RAB5IF: variants seen among roughly 807,000 people sequenced by gnomAD.
RAB5IF encodes GEL complex subunit OPTI.
In RAB5IF, 15 loss-of-function variants were observed where a neutral mutation model predicts 20.3. The observed-to-expected ratio is 0.74, with a 90% CI of 0.50 to 1.14. The LOEUF (loss-of-function observed/expected upper bound fraction) is 1.14, where lower values mean the gene tolerates loss of function less well. Among genes scored for constraint, RAB5IF ranks in the 50% most tolerant of loss-of-function variants. The probability of loss-of-function intolerance (pLI) is 0.00; values close to 1 mark genes in which losing one functional copy is unlikely to be tolerated. For synonymous variants in RAB5IF, 67 were observed against 63.7 expected (o/e 1.05, Z -0.25); for missense variants, 148 against 159.5 (o/e 0.93, Z 0.39).
At chr20:36,609,211 G>GAGTTTCGCTGTTGCCCAGGCACACA (rs2039032195) in intron 2 of RAB5IF, among the ~76,000 whole-genome samples, 1 of 36,586 alleles carries the variant, frequency 2.7e-5, no homozygotes. Context: ...ACGCACACAC[G>GAGTTTCGCTGTTGCCCAGGCACACA]CACACACGCA....
In RAB5IF at chr20:36,610,955, G is replaced by A. The variant is rs977775970; in HGVS notation, c.349-1055G>A. 2.6e-5 allele frequency among the ~76,000 whole-genome samples: 4 copies of A among 152,122 alleles called. No individual in the cohort carries two copies. In the East Asian group the frequency reaches 7.7e-4, roughly 29 times the overall value. On this transcript the variant is annotated intron_variant, in intron 3 of 3. Transcript: ENST00000344795. ...GTAATGTTTTGGAATCAGTGGTGATGTTTGCACAACTGTTCCTATACAGAA... is the reference window on the plus strand; with the variant it reads ...GTAATGTTTTGGAATCAGTGGTGATATTTGCACAACTGTTCCTATACAGAA...
rs190742083 is a variant in RAB5IF at position 36,612,122 on chromosome 20, C to A, written c.*71C>A. The A allele has an allele frequency of 6.2e-7, 1 of 1,614,206 alleles. No homozygotes were observed. The highest frequency in any genetic ancestry group is 1.3e-5 in the African/African-American group (1 of 75,046). On this transcript the variant is annotated 3_prime_UTR_variant, in exon 4 of 4. Transcript: ENST00000344795. Reference sequence around the variant, plus strand: ...CTTGATTACAGCACAGGAACTTGATCGTTGGGGAACCCCAGCCCCTTGGAA... The same window carrying A: ...CTTGATTACAGCACAGGAACTTGATAGTTGGGGAACCCCAGCCCCTTGGAA...
chr20:36,609,149 A>G (rs2039008838), intron 2 of RAB5IF, among the ~76,000 whole-genome samples: 1 of 139,402 alleles, frequency 7.2e-6, no homozygotes, highest in African/African-American at 2.7e-5. Flanking sequence ...GCTTTGGAGA[A>G]CTATATTACA....
intron 3 of RAB5IF, 105 bp from the exon 4 acceptor site, chr20:36,611,905 C>G: frequency 6.9e-7 from 1 of 1,458,368 alleles, no homozygotes; most frequent in Non-Finnish European, 9.5e-7. Flanking sequence ...ACGGATAGCC[C>G]CTGGAGAGTG....
At chr20:36,609,203 G>A (rs1291176) in intron 2 of RAB5IF, among the ~76,000 whole-genome samples, 26,047 of 34,244 alleles carry the variant, frequency 0.76, 11,571 homozygotes, top group East Asian at 0.93. Context: ...ACGCACACAC[G>A]CACACACGCA....
intron 3 of RAB5IF, among the ~76,000 whole-genome samples, chr20:36,610,178 G>A (rs1343737661): frequency 1.3e-5 from 2 of 152,060 alleles, no homozygotes; most frequent in African/African-American, 4.8e-5. Context: ...CAGCTACTCC[G>A]GAGGCCGAGG....
chr20:36,611,863 A>G, intron 3 of RAB5IF, 147 bp from the exon 4 acceptor site: 2 of 1,049,112 alleles, frequency 1.9e-6, no homozygotes, highest in Non-Finnish European at 2.8e-6. Flanking sequence ...GATTTCAGTG[A>G]AATAATTTAG....
chr20:36,607,240 T>C (rs2038955465), intron 1 of RAB5IF, among the ~76,000 whole-genome samples: 1 of 151,818 alleles, frequency 6.6e-6, no homozygotes, highest in Non-Finnish European at 1.5e-5. Context: ...AGTGATCGCT[T>C]AATGATGTCT....
At chr20:36,609,263 TAG>T (rs1450093551) in intron 2 of RAB5IF, among the ~76,000 whole-genome samples, 1 of 125,826 alleles carries the variant, frequency 7.9e-6, no homozygotes, top group African/African-American at 3.0e-5. Context: ...ACACTATATA[TAG>T]AGTTTCGCTG....
chr20:36,610,652 G>A (rs1383763553), intron 3 of RAB5IF, among the ~76,000 whole-genome samples: 1 of 150,024 alleles, frequency 6.7e-6, no homozygotes, highest in Non-Finnish European at 1.5e-5. Context: ...CCGAGATCGC[G>A]CCACTGCACT....
chr20:36,608,406 G>A (rs1030527284), intron 2 of RAB5IF, among the ~76,000 whole-genome samples: 2 of 151,830 alleles, frequency 1.3e-5, no homozygotes, highest in Non-Finnish European at 2.9e-5. Context: ...CACCACACCT[G>A]GCTAATTTTT....
In RAB5IF at chr20:36,612,226, CTT is replaced by C. The variant is rs764118873; in HGVS notation, c.*179_*180del. On this transcript the variant is annotated 3_prime_UTR_variant, in exon 4 of 4. Transcript: ENST00000344795. ...TTTCTGCAAGGGTTGTGACCTGAAA[CTT>C]TTTAAAAACCACCCACCTTTGGGGA... is the stretch of plus-strand genomic sequence containing the variant. 3 of 1,613,754 alleles carry C rather than the reference CTT, an allele frequency of 1.9e-6. No homozygotes were observed. Among genetic ancestry groups the C allele is most frequent in the Admixed American group, 1.7e-5 (1 of 60,002 alleles).
At chr20:36,608,202 T>A in intron 2 of RAB5IF, 1 of 328,704 alleles carries the variant, frequency 3.0e-6, no homozygotes, top group Middle Eastern at 1.1e-3. Flanking sequence ...GGCACAGTGC[T>A]TAATGTCCTA....
rs753030412 is a variant in RAB5IF, at chr20:36,612,094, C to A, written c.*43C>A. On this transcript the variant is annotated 3_prime_UTR_variant, in exon 4 of 4. Coordinates refer to ENST00000344795, the MANE Select transcript of RAB5IF (RefSeq NM_018840.5). ...GTGCTCCCTATCCAGTCCAAAGGAC[C>A]CTCTTGATTACAGCACAGGAACTTG... 1 of 1,614,152 alleles carries A rather than the reference C, an allele frequency of 6.2e-7. No individual in the cohort carries two copies. The highest frequency in any genetic ancestry group is 1.1e-5 in the South Asian group (1 of 91,086).
chr20:36,606,963 A>C (rs1326370831), intron 1 of RAB5IF, among the ~76,000 whole-genome samples: 1 of 152,216 alleles, frequency 6.6e-6, no homozygotes, highest in Non-Finnish European at 1.5e-5. Flanking sequence ...AGCCCTGCCC[A>C]GCTCTTGCAA....
intron 2 of RAB5IF, among the ~76,000 whole-genome samples, chr20:36,609,197 A>ACACACACACACACACACACACACAC (rs2039028020): frequency 1.8e-5 from 1 of 54,582 alleles, no homozygotes; most frequent in African/African-American, 9.3e-5. Context: ...ACACACACGC[A>ACACACACACACACACACACACACAC]CACACGCACA....
intron 2 of RAB5IF, among the ~76,000 whole-genome samples, chr20:36,609,189 A>G (rs2039022939): frequency 1.9e-5 from 1 of 51,962 alleles, no homozygotes; most frequent in South Asian, 7.2e-4. Flanking sequence ...ACACACACAC[A>G]CACACGCACA....
At chr20:36,607,694 C>G (rs1377708255) in intron 1 of RAB5IF, 21 bp from the exon 2 acceptor site, 5 of 1,612,908 alleles carry the variant, frequency 3.1e-6, no homozygotes, top group African/African-American at 1.3e-5. Context: ...ATAATTCTTG[C>G]ATTTTCTGTC....
At position 36,609,156 on chromosome 20, in the gene RAB5IF, T is replaced by TACACACACACACACAC; in HGVS notation, c.219-422_219-407dup. 2.8e-3 allele frequency among the ~76,000 whole-genome samples: 48 copies of TACACACACACACACAC among 17,058 alleles called. 5 individuals are homozygous for TACACACACACACACAC. Among genetic ancestry groups the TACACACACACACACAC allele is most frequent in the Admixed American group, 5.6e-3 (9 of 1,616 alleles). The allele number at this position is 17,058 out of a possible 152,430, so 11.2% of individuals were successfully genotyped here. A position where few individuals can be genotyped will look rare whatever the true frequency, so the allele number is the denominator to read the frequency against. On this transcript the variant is annotated intron_variant, in intron 2 of 3. Coordinates refer to ENST00000344795, the MANE Select transcript of RAB5IF (RefSeq NM_018840.5). ...TTCAAGGGGCTTTGGAGAACTATAT[T>TACACACACACACACAC]ACACACACACACACACACACACACA... is the stretch of plus-strand genomic sequence containing the variant.
Sources: gnomAD v4.1 joint callset for allele counts (sites outside exome capture counted in the v4.1 genomes callset) on GRCh38, gnomAD v4.1.1 for gene constraint, MANE v1.5 for transcripts, NCBI Gene and HGNC (gene_info 2026-07-23, HGNC 2026-07-21) for gene names.